CSMD1: variants seen among roughly 807,000 people sequenced by gnomAD.
The protein encoded by CSMD1 is CUB and Sushi multiple domains 1.
Under a neutral mutation model 417.5 loss-of-function variants are expected in CSMD1, and 213 were observed. That is an observed-to-expected ratio of 0.51 (90% confidence interval 0.46 to 0.57). The LOEUF (loss-of-function observed/expected upper bound fraction) is 0.57, where lower values mean the gene tolerates loss of function less well. Ranked by LOEUF, CSMD1 falls within the 20% of genes least tolerant of loss-of-function variation. The pLI, the probability that CSMD1 is intolerant of heterozygous loss-of-function variation, is 0.00. For missense variants in CSMD1, 6,923 were observed against 4,529.7 expected (o/e 1.53, Z -15.17); for synonymous variants, 2,862 against 1,736.8 (o/e 1.65, Z -16.11).
intron 3 of CSMD1, among the ~76,000 whole-genome samples, chr8:4,286,620 T>G (rs114632027): frequency 2.5e-3 from 386 of 152,274 alleles, no homozygotes; most frequent in African/African-American, 8.5e-3. Flanking sequence ...GAACACCACT[T>G]GACCTCGAAG....
At position 4,292,228 on chromosome 8, in the gene CSMD1, G is replaced by T. The variant is rs371215938; in HGVS notation, c.415+127725C>A. ...ATGCTGCTTTTTCTTACTTTCCAAA[G>T]AATTTTGTTGTCGTCGTTGTTGTTG... On this transcript the variant is annotated intron_variant, in intron 3 of 69. Coordinates refer to ENST00000635120, the MANE Select transcript of CSMD1 (RefSeq NM_033225.6). Among the ~76,000 whole-genome samples the T allele has an allele frequency of 9.9e-4, 150 of 152,154 alleles. 1 individual carries two copies. The highest frequency in any genetic ancestry group is 2.7e-3 in the Admixed American group (41 of 15,276).
chr8:3,563,517 T>G (rs1157324827), intron 10 of CSMD1, among the ~76,000 whole-genome samples: 1 of 149,330 alleles, frequency 6.7e-6, no homozygotes, highest in African/African-American at 2.5e-5. Flanking sequence ...AAATAGGTAT[T>G]TACACCTCCC....
intron 9 of CSMD1, among the ~76,000 whole-genome samples, chr8:3,576,407 T>C (rs79446234): frequency 0.038 from 5,832 of 152,226 alleles, 303 homozygotes; most frequent in East Asian, 0.14. Context: ...CCTTAGGAAC[T>C]GTCCTCTTTC....
intron 3 of CSMD1, among the ~76,000 whole-genome samples, chr8:4,305,031 G>A (rs979398003): frequency 2.6e-5 from 4 of 152,106 alleles, no homozygotes; most frequent in East Asian, 1.9e-4. Context: ...AGTTCCCCAC[G>A]TTAGAGTCCC....
intron 61 of CSMD1, 81 bp from the exon 62 acceptor site, chr8:2,961,295 T>C: frequency 1.3e-6 from 1 of 745,864 alleles, no homozygotes; most frequent in Non-Finnish European, 2.2e-6. Context: ...CTAAAAGGTC[T>C]CATGAAATAG....
intron 3 of CSMD1, among the ~76,000 whole-genome samples, chr8:4,348,753 T>C (rs549052508): frequency 1.8e-4 from 27 of 152,260 alleles, no homozygotes; most frequent in Non-Finnish European, 3.1e-4. Context: ...TGAGTTAAAA[T>C]TGTAGAAAAT....
At chr8:4,107,051 C>A (rs114955563) in intron 3 of CSMD1, among the ~76,000 whole-genome samples, 2 of 152,130 alleles carry the variant, frequency 1.3e-5, no homozygotes, top group Non-Finnish European at 2.9e-5. Flanking sequence ...CGCGGCACAT[C>A]TCCAAGCAGG....
intron 12 of CSMD1, among the ~76,000 whole-genome samples, chr8:3,455,544 G>T (rs912477703): frequency 1.3e-5 from 2 of 152,214 alleles, no homozygotes; most frequent in Admixed American, 6.5e-5. Flanking sequence ...AGGACCCTCA[G>T]CTGCAGGTCT....
chr8:4,733,872 G>C (rs951353923), intron 1 of CSMD1, among the ~76,000 whole-genome samples: 1 of 152,128 alleles, frequency 6.6e-6, no homozygotes, highest in Non-Finnish European at 1.5e-5. Flanking sequence ...TTCTATTTCT[G>C]AAATTGACCT....
At chr8:4,955,586 G>C (rs1477372320) in intron 1 of CSMD1, among the ~76,000 whole-genome samples, 1 of 152,008 alleles carries the variant, frequency 6.6e-6, no homozygotes, top group Non-Finnish European at 1.5e-5. Flanking sequence ...CTCCCGAGTA[G>C]CTGAGATTAC....
At chr8:4,262,312 C>A (rs1803942780) in intron 3 of CSMD1, among the ~76,000 whole-genome samples, 1 of 152,174 alleles carries the variant, frequency 6.6e-6, no homozygotes, top group Admixed American at 6.5e-5. Flanking sequence ...CGTCCACAGG[C>A]ACTAGCCCTG....
At chr8:4,717,204 G>C (rs1417519535) in intron 1 of CSMD1, among the ~76,000 whole-genome samples, 2 of 151,432 alleles carry the variant, frequency 1.3e-5, no homozygotes, top group Non-Finnish European at 2.9e-5. Context: ...AGGAGTAACA[G>C]TATTAACAGG....
chr8:3,698,101 G>C (rs1468192815), intron 7 of CSMD1, among the ~76,000 whole-genome samples: 1 of 152,034 alleles, frequency 6.6e-6, no homozygotes, highest in East Asian at 1.9e-4. Context: ...AATAATTGAT[G>C]AAACATCTTG....
intron 2 of CSMD1, among the ~76,000 whole-genome samples, chr8:4,532,172 C>T (rs1796854439): frequency 7.0e-6 from 1 of 143,588 alleles, no homozygotes; most frequent in African/African-American, 2.6e-5. Flanking sequence ...GAAAAGAAAT[C>T]CTGCACCTCC....
At chr8:4,398,434 C>T (rs1804410670) in intron 3 of CSMD1, among the ~76,000 whole-genome samples, 1 of 141,316 alleles carries the variant, frequency 7.1e-6, no homozygotes, top group Non-Finnish European at 1.5e-5. Context: ...ACTCTGTCAC[C>T]CCAGGCTGGA....
intron 6 of CSMD1, among the ~76,000 whole-genome samples, chr8:3,723,841 A>G (rs186226186): frequency 2.6e-5 from 4 of 152,322 alleles, no homozygotes; most frequent in African/African-American, 9.6e-5. Context: ...ATGAGTAAAA[A>G]TTTCATTCAA....
At chr8:3,629,901 G>C (rs559586981) in intron 7 of CSMD1, among the ~76,000 whole-genome samples, 1 of 152,274 alleles carries the variant, frequency 6.6e-6, no homozygotes, top group Non-Finnish European at 1.5e-5. Flanking sequence ...TTAGAAAAAA[G>C]TAGATTCAAA....
chr8:4,352,464 G>C (rs886816838), intron 3 of CSMD1, among the ~76,000 whole-genome samples: 3 of 152,104 alleles, frequency 2.0e-5, no homozygotes, highest in South Asian at 2.1e-4. Context: ...ATAGAAAGTG[G>C]AAATATTCTC....
intron 3 of CSMD1, among the ~76,000 whole-genome samples, chr8:4,410,604 C>G (rs1211908301): frequency 1.3e-5 from 2 of 151,960 alleles, no homozygotes; most frequent in Non-Finnish European, 2.9e-5. Context: ...TTTCATTTAT[C>G]TGAAATTATG....
Sources: allele counts gnomAD v4.1 joint callset (sites outside exome capture counted in the v4.1 genomes callset), GRCh38; gene constraint gnomAD v4.1.1; transcripts MANE v1.5; gene names NCBI Gene and HGNC (gene_info 2026-07-23, HGNC 2026-07-21).